NCAPH2: variants seen among roughly 807,000 people sequenced by gnomAD.
NCAPH2 encodes the protein non-SMC condensin II complex subunit H2.
Under a neutral mutation model 88.6 loss-of-function variants are expected in NCAPH2, and 56 were observed. That is an observed-to-expected ratio of 0.63 (90% CI 0.51 to 0.79). NCAPH2 has a LOEUF of 0.79. NCAPH2 is among the 30% of genes least tolerant of loss of function. NCAPH2 has a pLI of 0.00. For missense variants in NCAPH2, 794 were observed against 792.0 expected (o/e 1.00, Z -0.03); for synonymous variants, 378 against 313.6 (o/e 1.21, Z -2.17).
chr22:50,513,448 G>A (rs529444916), intron 1 of NCAPH2, among the ~76,000 whole-genome samples: 40 of 152,354 alleles, frequency 2.6e-4, no homozygotes, highest in African/African-American at 9.6e-4. Flanking sequence ...GGAGGCCGAG[G>A]TGGCTCACGC....
chr22:50,522,808 G>A lies in NCAPH2; in HGVS notation c.1426-13G>A. 6.2e-7 allele frequency: 1 copy of A among 1,612,700 alleles called. No individual in the cohort carries two copies. The highest frequency in any genetic ancestry group is 1.3e-5 in the African/African-American group (1 of 75,006). On this transcript the variant is annotated splice_polypyrimidine_tract_variant and intron_variant, in intron 17 of 19. Coordinates refer to ENST00000420993, the MANE Select transcript of NCAPH2 (RefSeq NM_152299.4). ...TGCTTGGGAGGCAGTAGCTCCTGCT[G>A]ATCCTCCCCTAGGAGCTCTTCATCG...
Position 50,521,847 on chromosome 22 carries a change from C to G in NCAPH2, c.1107C>G (p.Ala369=). Residue 369 remains alanine, a splice_region_variant and synonymous_variant, in exon 12 of 20, where the codon GCC becomes GCG. Coordinates refer to ENST00000420993, the MANE Select transcript of NCAPH2 (RefSeq NM_152299.4). ...LQDFHQWYLA[A]YADHADSRRL... ...ACTTCCACCAGTGGTACCTGGCTGC[C>G]TGTGAGTGGGTGTGGTGTGCACTCC... is the stretch of plus-strand genomic sequence containing the variant. The G allele has an allele frequency of 1.2e-6, 2 of 1,613,902 alleles. No individual in the cohort carries two copies. The highest frequency in any genetic ancestry group is 1.7e-6 in the Non-Finnish European group (2 of 1,180,020).
rs796270152 is a variant in NCAPH2 at position 50,512,539 on chromosome 22, CTTTGTTTTTTTTTT to C, written c.109-3891_109-3878del. Reference sequence around the variant, plus strand: ...TGATGTTCTTTTTCTTTTTTTTGTCCTTTGTTTTTTTTTTTTTGTTTTTTTTTTTTAGATAGGTT... The same window carrying C: ...TGATGTTCTTTTTCTTTTTTTTGTCCTTTGTTTTTTTTTTTTAGATAGGTT... On this transcript the variant is annotated intron_variant, in intron 1 of 19. Coordinates refer to ENST00000420993, the MANE Select transcript of NCAPH2 (RefSeq NM_152299.4). Among the ~76,000 whole-genome samples, 460 of 145,300 alleles carry C rather than the reference CTTTGTTTTTTTTTT, an allele frequency of 3.2e-3. 1 individual carries two copies. Among genetic ancestry groups the C allele is most frequent in the African/African-American group, 0.01 (415 of 40,620 alleles).
intron 4 of NCAPH2, 21 bp downstream of exon 4, chr22:50,517,682 G>A: frequency 6.2e-7 from 1 of 1,614,118 alleles, no homozygotes; most frequent in Non-Finnish European, 8.5e-7. Context: ...TTGGCATGTG[G>A]TCCCCGCCCA....
In NCAPH2 at chr22:50,517,486, A is replaced by C. The variant is rs762750604; in HGVS notation, c.266+4A>C. The C allele has an allele frequency of 6.2e-7, 1 of 1,614,040 alleles. No individual in the cohort carries two copies. The highest frequency in any genetic ancestry group is 1.1e-5 in the South Asian group (1 of 91,088). ...TTGATTTCATCTCTGGAAAGAGGTGAGTTCTGCAGCCACTCACTGTGCTGC... is the reference window on the plus strand; with the variant it reads ...TTGATTTCATCTCTGGAAAGAGGTGCGTTCTGCAGCCACTCACTGTGCTGC... On this transcript the variant is annotated splice_donor_region_variant and intron_variant, in intron 3 of 19. Transcript: ENST00000420993.
At chr22:50,518,339 T>C (rs545400352) in intron 7 of NCAPH2, 61 bp downstream of exon 7, 8 of 1,582,640 alleles carry the variant, frequency 5.1e-6, no homozygotes, top group East Asian at 4.5e-5. Flanking sequence ...GGTTGGACTC[T>C]TGTGGGGTGC....
Position 50,515,691 on chromosome 22 carries a change from C to T in NCAPH2, c.109-756C>T, listed in dbSNP as rs576800006. 170 of 1,120,224 alleles carry T rather than the reference C, an allele frequency of 1.5e-4. 2 individuals carry two copies. In the South Asian group the frequency reaches 1.9e-3, roughly 13 times the overall value. 69.4% of individuals were successfully genotyped at this position (1,120,224 alleles called of 1,614,324 possible). Reference sequence around the variant, plus strand: ...GATTACAGGTGTGAGCCACCGCACCCGGCCTTTTTTTTTTTTTTTTTTTTA... The same window carrying T: ...GATTACAGGTGTGAGCCACCGCACCTGGCCTTTTTTTTTTTTTTTTTTTTA... On this transcript the variant is annotated intron_variant, in intron 1 of 19. Transcript: ENST00000420993.
chr22:50,518,292 T>A lies in NCAPH2; in HGVS notation c.646+14T>A. The A allele has an allele frequency of 6.2e-7, 1 of 1,609,730 alleles. No individual in the cohort carries two copies. Among genetic ancestry groups the A allele is most frequent in the South Asian group, 1.1e-5 (1 of 90,802 alleles). On this transcript the variant is annotated intron_variant, in intron 7 of 19. Coordinates refer to ENST00000420993, the MANE Select transcript of NCAPH2 (RefSeq NM_152299.4). The stretch of plus-strand genomic sequence containing the variant: ...GGACCCAGAAGGGTGAGGGCTTGGA[T>A]GCGGGGGGCTTGGTGGGAAGGAAGG...
At position 50,523,724 on chromosome 22, in the gene NCAPH2, G is replaced by C. The variant is rs148612869; in HGVS notation, c.*349G>C. 6.2e-7 allele frequency: 1 copy of C among 1,614,096 alleles called. No individual in the cohort carries two copies. The highest frequency in any genetic ancestry group is 1.3e-5 in the African/African-American group (1 of 74,950). ...GTGAAGAGGCCGTCAGGGTTGAGCA[G>C]GTAGATGGCAATGGAGTGGTCCACG... On this transcript the variant is annotated 3_prime_UTR_variant, in exon 20 of 20. Transcript: ENST00000420993.
Position 50,523,574 on chromosome 22 carries a change from G to A in NCAPH2, c.*199G>A, listed in dbSNP as rs750685169. 25 of 1,607,348 alleles carry A rather than the reference G, an allele frequency of 1.6e-5. No homozygotes were observed. Among genetic ancestry groups the A allele is most frequent in the South Asian group, 1.2e-4 (11 of 90,756 alleles). On this transcript the variant is annotated 3_prime_UTR_variant, in exon 20 of 20. Coordinates refer to ENST00000420993, the MANE Select transcript of NCAPH2 (RefSeq NM_152299.4). ...GATCACACACACACACAGATTAAAC[G>A]CAGCCCGTTTAATGATGGGGCCCAG...
chr22:50,519,972 G>A (rs1021243774), intron 9 of NCAPH2, among the ~76,000 whole-genome samples: 46 of 151,926 alleles, frequency 3.0e-4, no homozygotes, highest in African/African-American at 4.1e-4. Context: ...CCGGGTTCAC[G>A]CCATTCTCCT....
Position 50,523,144 on chromosome 22 carries a change from C to A in NCAPH2, c.1655C>A (p.Ser552Tyr), listed in dbSNP as rs748584106. The A allele has an allele frequency of 3.7e-6, 6 of 1,613,770 alleles. No homozygotes were observed. In the South Asian group the frequency reaches 5.5e-5, roughly 15 times the overall value. Residue 552 changes from serine to tyrosine, a missense_variant, in exon 19 of 20, where the codon TCC (serine) becomes TAC (tyrosine). This residue lies in a region of NCAPH2 where 735 missense variants were observed against 696.3 expected (regional missense o/e 1.06). Coordinates refer to ENST00000420993, the MANE Select transcript of NCAPH2 (RefSeq NM_152299.4). ...AGQPAFEVCR[S>Y]MLASLQLAND... is the part of the protein sequence containing the mutation. ...CAGCCGGCCTTCGAGGTGTGTCGTT[C>A]CATGCTGGCCTCCCTGCAGCTGGTG...
chr22:50,521,751 C>T lies in NCAPH2; in HGVS notation c.1011C>T (p.Tyr337=), dbSNP rs1235930093. 5.6e-6 allele frequency: 9 copies of T among 1,613,946 alleles called. No homozygotes were observed. The South Asian group carries it at 7.7e-5, about 14-fold the overall frequency. The change falls in exon 12 of 20, where the codon TAC becomes TAT. Residue 337 remains tyrosine, a synonymous_variant. Coordinates refer to ENST00000420993, the MANE Select transcript of NCAPH2 (RefSeq NM_152299.4). ...ESKPFKKGRP[Y]SVPPCVEEAL... ...CCTGTTTGCCCCCAGGTAGGCCTTACTCTGTGCCCCCCTGTGTGGAGGAGG... is the reference window on the plus strand; with the variant it reads ...CCTGTTTGCCCCCAGGTAGGCCTTATTCTGTGCCCCCCTGTGTGGAGGAGG...
chr22:50,522,364 C>G lies in NCAPH2; in HGVS notation c.1255C>G (p.Pro419Ala). Residue 419 changes from proline to alanine, a missense_variant, in exon 15 of 20, where the codon CCT (proline) becomes GCT (alanine). By Grantham distance (27) the Pro-to-Ala change is conservative. Around this residue, in one of 2 missense-constraint regions of NCAPH2, gnomAD observed 735 missense variants for 696.3 expected, o/e 1.06. Coordinates refer to ENST00000420993, the MANE Select transcript of NCAPH2 (RefSeq NM_152299.4). The stretch of plus-strand genomic sequence containing the variant: ...ACAGGTGGCTGAGCAGTGGCTGCGG[C>G]CTGCAGAGGAGGACCACCTGGAGGA... ...RREVAEQWLR[P>A]AEEDHLEDSL... 1 of 1,606,778 alleles carries G rather than the reference C, an allele frequency of 6.2e-7. No homozygotes were observed. Among genetic ancestry groups the G allele is most frequent in the Non-Finnish European group, 8.5e-7 (1 of 1,176,016 alleles).
intron 9 of NCAPH2, 35 bp from the exon 10 acceptor site, chr22:50,520,928 AAG>A (rs1347576036): frequency 3.9e-6 from 6 of 1,549,140 alleles, no homozygotes; most frequent in South Asian, 1.2e-5. Flanking sequence ...TGAGGGGAGA[AAG>A]AGGAGAAGTG....
chr22:50,517,352 C>T (rs1290323612), intron 2 of NCAPH2, 75 bp from the exon 3 acceptor site: 6 of 1,516,318 alleles, frequency 4.0e-6, no homozygotes, highest in Non-Finnish European at 4.6e-6. Context: ...CGTGGGGGCA[C>T]CGATGGATAG....
At chr22:50,512,543 G>GTTTTTTTTTTTTTTTTT (rs139798817) in intron 1 of NCAPH2, among the ~76,000 whole-genome samples, 5 of 132,964 alleles carry the variant, frequency 3.8e-5, no homozygotes, top group Non-Finnish European at 1.6e-5. Context: ...TTTGTCCTTT[G>GTTTTTTTTTTTTTTTTT]TTTTTTTTTT....
chr22:50,515,610 A>C lies in NCAPH2; in HGVS notation c.109-837A>C, dbSNP rs542815891. On this transcript the variant is annotated intron_variant, in intron 1 of 19. Coordinates refer to ENST00000420993, the MANE Select transcript of NCAPH2 (RefSeq NM_152299.4). ...ACGAGGTTTCACCGTGTTAGCCAGGATGGTCTCGATCTCCTGACCTCATGA... is the reference window on the plus strand; with the variant it reads ...ACGAGGTTTCACCGTGTTAGCCAGGCTGGTCTCGATCTCCTGACCTCATGA... 17 of 764,730 alleles carry C rather than the reference A, an allele frequency of 2.2e-5. No homozygotes were observed. In the East Asian group the frequency reaches 1.2e-3, roughly 52 times the overall value. The allele number at this position is 764,730 out of a possible 1,614,324, so 47.4% of individuals were successfully genotyped here.
chr22:50,511,505 A>G (rs1212232063), intron 1 of NCAPH2, among the ~76,000 whole-genome samples: 6 of 140,806 alleles, frequency 4.3e-5, no homozygotes, highest in South Asian at 2.1e-4. Flanking sequence ...GTTAGCCAGG[A>G]TGGTCTCGAT....
Sources: gnomAD v4.1 joint callset for allele counts (sites outside exome capture counted in the v4.1 genomes callset) on GRCh38, gnomAD v4.1.1 for gene constraint, gnomAD v4.1.1 regional missense constraint, MANE v1.5 for transcripts, NCBI Gene and HGNC (gene_info 2026-07-23, HGNC 2026-07-21) for gene names.